The following CACNA2D3 variants were observed in gnomAD, a reference collection of about 807,000 sequenced individuals.
CACNA2D3 encodes calcium voltage-gated channel auxiliary subunit alpha2delta 3.
A neutral mutation model predicts 160.6 loss-of-function variants in CACNA2D3; 60 were observed. The ratio of observed to expected loss-of-function variants is 0.37; its 90% CI spans 0.30 to 0.46. The LOEUF (loss-of-function observed/expected upper bound fraction) is 0.46. Among genes scored for constraint, CACNA2D3 ranks in the 20% least tolerant of loss-of-function variants. The pLI is 1.00. For synonymous variants in CACNA2D3, 558 were observed against 492.9 expected, an observed-to-expected ratio of 1.13 and a Z score of -1.75; for missense variants, 1,205 against 1,365.0, an observed-to-expected ratio of 0.88 and a Z score of 1.85.
intron 2 of CACNA2D3, among the ~76,000 whole-genome samples, chr3:54,199,924 G>C (rs970146912): frequency 4.3e-4 from 65 of 152,292 alleles, no homozygotes; most frequent in African/African-American, 1.4e-3. Context: ...CACTGCCTCT[G>C]TTTTAGTAAA....
Position 55,054,744 on chromosome 3 carries a change from C to T in CACNA2D3, c.2988-18701C>T, listed in dbSNP as rs75693639. Reference sequence around the variant, plus strand: ...CACAATTACTGTACAAGTTTCTTCACATGCATAGTCAGTTTTGTACTTTGG... The same window carrying T: ...CACAATTACTGTACAAGTTTCTTCATATGCATAGTCAGTTTTGTACTTTGG... On this transcript the variant is annotated intron_variant, in intron 35 of 37. Coordinates refer to ENST00000474759, the MANE Select transcript of CACNA2D3 (RefSeq NM_018398.3). Among the ~76,000 whole-genome samples, 1,446 of 152,000 alleles carry T rather than the reference C, an allele frequency of 9.5e-3. 26 individuals carry two copies. The highest frequency in any genetic ancestry group is 0.033 in the African/African-American group (1,366 of 41,520).
chr3:55,000,001 G>GCACA (rs1183979267), intron 31 of CACNA2D3, among the ~76,000 whole-genome samples: 1 of 152,132 alleles, frequency 6.6e-6, no homozygotes, highest in Non-Finnish European at 1.5e-5. Flanking sequence ...ATCCATGTGG[G>GCACA]CACACAGCGA....
intron 19 of CACNA2D3, 126 bp downstream of exon 19, chr3:54,879,215 C>G: frequency 1.2e-6 from 1 of 866,024 alleles, no homozygotes; most frequent in Non-Finnish European, 1.8e-6. Context: ...CTTTACTTAT[C>G]TCAAACAAGA....
intron 2 of CACNA2D3, among the ~76,000 whole-genome samples, chr3:54,188,859 C>T (rs940882565): frequency 9.9e-5 from 15 of 152,110 alleles, no homozygotes; most frequent in Admixed American, 6.5e-5. Context: ...GAATATAGAG[C>T]GTCACTCATT....
intron 9 of CACNA2D3, among the ~76,000 whole-genome samples, chr3:54,612,184 A>G (rs1042843061): frequency 6.6e-6 from 1 of 152,288 alleles, no homozygotes; most frequent in Non-Finnish European, 1.5e-5. Flanking sequence ...AGCAGAGCCA[A>G]TAAGGTGGGT....
chr3:54,992,584 A>G (rs1702764159), intron 31 of CACNA2D3, among the ~76,000 whole-genome samples: 1 of 151,982 alleles, frequency 6.6e-6, no homozygotes, highest in Non-Finnish European at 1.5e-5. Flanking sequence ...TTAGACTTCT[A>G]AGCAATGTCT....
chr3:54,165,974 C>G (rs1032040435), intron 2 of CACNA2D3, among the ~76,000 whole-genome samples: 2 of 152,074 alleles, frequency 1.3e-5, no homozygotes, highest in Non-Finnish European at 2.9e-5. Flanking sequence ...GTGTGCCATC[C>G]AGAGAAAGGA....
chr3:54,452,383 A>T (rs1700322042), intron 4 of CACNA2D3, among the ~76,000 whole-genome samples: 1 of 152,218 alleles, frequency 6.6e-6, no homozygotes, highest in Non-Finnish European at 1.5e-5. Flanking sequence ...TGCCCTTGAC[A>T]CATGGAGATT....
chr3:54,677,203 C>T (rs1452695525), intron 11 of CACNA2D3, among the ~76,000 whole-genome samples: 1 of 152,132 alleles, frequency 6.6e-6, no homozygotes, highest in African/African-American at 2.4e-5. Flanking sequence ...GTACTTGGTA[C>T]CATGAGTCTT....
intron 11 of CACNA2D3, among the ~76,000 whole-genome samples, chr3:54,667,812 T>G (rs1473201764): frequency 6.6e-6 from 1 of 151,970 alleles, no homozygotes; most frequent in Admixed American, 6.6e-5. Flanking sequence ...CCAGGCATGG[T>G]GGTGCATGCC....
At chr3:54,727,968 G>A (rs947095459) in intron 11 of CACNA2D3, among the ~76,000 whole-genome samples, 5 of 151,912 alleles carry the variant, frequency 3.3e-5, no homozygotes, top group African/African-American at 1.2e-4. Context: ...AAGTTCAATT[G>A]TTAGTCTTAT....
rs559033559 is a variant in CACNA2D3 at position 55,039,174 on chromosome 3, A to G, written c.2987+20857A>G. On this transcript the variant is annotated intron_variant, in intron 35 of 37. Transcript: ENST00000474759. ...CATAGAAAAACCTAAAAGAGGCAGA[A>G]GCACTCATTTCTTCACCTGTAGAAA... Among the ~76,000 whole-genome samples the G allele has an allele frequency of 4.5e-4, 68 of 152,246 alleles. 3 individuals carry two copies. In the South Asian group the frequency reaches 0.014, roughly 31 times the overall value.
At chr3:54,308,603 G>A (rs573540043) in intron 2 of CACNA2D3, among the ~76,000 whole-genome samples, 14 of 152,254 alleles carry the variant, frequency 9.2e-5, no homozygotes, top group African/African-American at 2.4e-4. Context: ...GTGTGAAGCC[G>A]CTGAGATATG....
At chr3:55,015,162 G>C (rs148500118) in intron 34 of CACNA2D3, among the ~76,000 whole-genome samples, 46 of 152,258 alleles carry the variant, frequency 3.0e-4, no homozygotes, top group Middle Eastern at 3.4e-3. Flanking sequence ...TTCAAATCAC[G>C]TGTGCTGCCT....
intron 29 of CACNA2D3, among the ~76,000 whole-genome samples, chr3:54,978,992 C>A (rs1702449653): frequency 6.6e-6 from 1 of 152,190 alleles, no homozygotes; most frequent in Non-Finnish European, 1.5e-5. Flanking sequence ...GTATACAGTG[C>A]AGCAAGAATA....
intron 2 of CACNA2D3, among the ~76,000 whole-genome samples, chr3:54,161,235 A>G (rs536378601): frequency 9.0e-4 from 137 of 152,268 alleles, no homozygotes; most frequent in Middle Eastern, 3.4e-3. Context: ...CTCTGCACCC[A>G]AACCCAACCC....
At chr3:54,986,542 ATGT>A (rs1381803508) in intron 30 of CACNA2D3, among the ~76,000 whole-genome samples, 1 of 152,192 alleles carries the variant, frequency 6.6e-6, no homozygotes, top group East Asian at 1.9e-4. Flanking sequence ...AGTCAGAGAA[ATGT>A]TGTTTCCTTC....
intron 27 of CACNA2D3, among the ~76,000 whole-genome samples, chr3:54,906,995 GT>G (rs1277586631): frequency 6.6e-6 from 1 of 152,148 alleles, no homozygotes; most frequent in Admixed American, 6.5e-5. Context: ...ATAGCCCAGA[GT>G]TTTGAGAAAC....
chr3:54,758,246 AGT>A (rs2107081514), intron 12 of CACNA2D3, among the ~76,000 whole-genome samples: 1 of 152,328 alleles, frequency 6.6e-6, no homozygotes, highest in African/African-American at 2.4e-5. Context: ...CTATTTCCCC[AGT>A]GTGTACCTTT....
Sources: allele counts gnomAD v4.1 joint callset (sites outside exome capture counted in the v4.1 genomes callset), GRCh38; gene constraint gnomAD v4.1.1; transcripts MANE v1.5; gene names NCBI Gene and HGNC (gene_info 2026-07-23, HGNC 2026-07-21).